Variants in BMX observed in about 807,000 individuals in gnomAD.
BMX encodes the protein cytoplasmic tyrosine-protein kinase BMX.
BMX carries 31 observed loss-of-function variants against 59.2 expected under a neutral mutation model. The observed-to-expected ratio is 0.52, with a 90% CI of 0.39 to 0.71. BMX has a LOEUF of 0.71. BMX is among the 30% of genes least tolerant of loss of function. The pLI, the probability that BMX is intolerant of heterozygous loss-of-function variation, is 0.00. For synonymous variants in BMX, 185 were observed against 181.0 expected, an observed-to-expected ratio of 1.02 and a Z score of -0.18; for missense variants, 474 against 491.7, an observed-to-expected ratio of 0.96 and a Z score of 0.34.
intron 18 of BMX, among the ~76,000 whole-genome samples, chrX:15,552,994 T>C (rs555411030): frequency 8.9e-6 from 1 of 112,320 alleles, no homozygotes; most frequent in African/African-American, 3.2e-5. Flanking sequence ...AGTTAAACAT[T>C]TCCGTATTCA....
intron 5 of BMX, among the ~76,000 whole-genome samples, chrX:15,517,581 G>A (rs1924220834): frequency 8.9e-6 from 1 of 112,530 alleles, no homozygotes; most frequent in African/African-American, 3.2e-5. Context: ...CAGCTCCTGA[G>A]CAGCTGTAAT....
intron 12 of BMX, among the ~76,000 whole-genome samples, chrX:15,534,833 C>T (rs1465916078): frequency 3.6e-5 from 4 of 111,223 alleles, no homozygotes; most frequent in Non-Finnish European, 7.5e-5. Context: ...TTTCTTTACT[C>T]AACATGTCTT....
intron 5 of BMX, 78 bp from the exon 6 acceptor site, chrX:15,517,851 C>T (rs1261714265): frequency 1.7e-5 from 15 of 894,747 alleles, no homozygotes; most frequent in Non-Finnish European, 2.1e-5. Flanking sequence ...CTGGTTCATT[C>T]TTTTAATTCA....
intron 9 of BMX, among the ~76,000 whole-genome samples, chrX:15,526,510 A>T (rs1404753918): frequency 1.8e-5 from 2 of 111,268 alleles, no homozygotes; most frequent in African/African-American, 6.5e-5. Context: ...GTAATTTTAC[A>T]GGGTAGCACA....
Position 15,509,342 on chromosome X carries a change from G to T in BMX, c.152G>T (p.Arg51Ile). 8.3e-7 allele frequency: 1 copy of T among 1,204,300 alleles called. No homozygotes were observed. The highest frequency in any genetic ancestry group is 1.1e-6 in the Non-Finnish European group (1 of 892,069). ...TTTTTAATTCAGAAAAGGGGCAGCA[G>T]AAAAGGATCCATTGAAATTAAGAAA... ...YEYDKMKRGS[R>I]KGSIEIKKIR... The change falls in exon 3 of 19, where the codon AGA becomes ATA. Residue 51 changes from arginine (R) to isoleucine (I), a missense_variant. By Grantham distance (97) the Arg-to-Ile change is moderately conservative (BLOSUM62 -3). Coordinates refer to ENST00000348343, the MANE Select transcript of BMX (RefSeq NM_203281.3).
chrX:15,544,291 T>C (rs1925843164), intron 16 of BMX, among the ~76,000 whole-genome samples: 2 of 110,640 alleles, frequency 1.8e-5, no homozygotes, highest in Admixed American at 1.9e-4. Context: ...GTAATTCCTC[T>C]GGGAGCCCTA....
intron 17 of BMX, among the ~76,000 whole-genome samples, chrX:15,548,372 G>A (rs1003600201): frequency 1.5e-4 from 17 of 110,977 alleles, no homozygotes; most frequent in Non-Finnish European, 1.9e-4. Context: ...CACGAGAATC[G>A]CTTAAACCTG....
At chrX:15,502,618 C>G (rs1256606193) in intron 1 of BMX, among the ~76,000 whole-genome samples, 1 of 111,858 alleles carries the variant, frequency 8.9e-6, no homozygotes, top group Admixed American at 9.5e-5. Flanking sequence ...AGATTTCTGT[C>G]CATATCATGC....
chrX:15,509,499 A>C, intron 3 of BMX, 66 bp downstream of exon 3: 2 of 696,856 alleles, frequency 2.9e-6, no homozygotes, highest in Non-Finnish European at 2.1e-6. Flanking sequence ...TCGTGAACTC[A>C]ATATATCTAG....
Position 15,525,880 on chromosome X carries a change from G to T in BMX, c.831-162G>T, listed in dbSNP as rs1924694426. ...ACTTTTGAGTGACTCTCTCTTTACT[G>T]TTGCTGTGTTGATACTTTGCCAGGT... On this transcript the variant is annotated intron_variant, in intron 8 of 18. Transcript: ENST00000348343. 2.7e-5 allele frequency among the ~76,000 whole-genome samples: 3 copies of T among 112,246 alleles called. 1 individual carries two copies. The South Asian group carries it at 1.1e-3, about 41-fold the overall frequency.
At chrX:15,547,015 C>A in intron 17 of BMX, 94 bp downstream of exon 17, 1 of 702,401 alleles carries the variant, frequency 1.4e-6, no homozygotes, top group Non-Finnish European at 2.2e-6. Context: ...TTTAAAAGGG[C>A]CCTTGAACAC....
At chrX:15,503,816 A>G (rs1482937219) in intron 1 of BMX, among the ~76,000 whole-genome samples, 10 of 112,039 alleles carry the variant, frequency 8.9e-5, no homozygotes, top group Non-Finnish European at 7.5e-5. Context: ...TGGGCAATTT[A>G]TTTATCTATT....
chrX:15,513,455 A>G (rs1368238981), intron 4 of BMX, among the ~76,000 whole-genome samples: 1 of 112,109 alleles, frequency 8.9e-6, no homozygotes. Context: ...TTTGCTGTCA[A>G]GTTGGCCAAC....
Position 15,549,970 on chromosome X carries a change from C to T in BMX, c.1926C>T (p.Tyr642=), listed in dbSNP as rs766920935. 1 of 1,208,629 alleles carries T rather than the reference C, an allele frequency of 8.3e-7. No individual in the cohort carries two copies. The highest frequency in any genetic ancestry group is 1.8e-5 in the South Asian group (1 of 56,239). Reference sequence around the variant, plus strand: ...CCCACCTGGCATCGGACACCATCTACCAGATCATGTACAGCTGCTGGCACG... The same window carrying T: ...CCCACCTGGCATCGGACACCATCTATCAGATCATGTACAGCTGCTGGCACG... The part of the protein sequence containing the change: ...YRPHLASDTI[Y]QIMYSCWHEL... The change falls in exon 18 of 19, where the codon TAC becomes TAT. Residue 642 remains tyrosine, a synonymous_variant. Coordinates refer to ENST00000348343, the MANE Select transcript of BMX (RefSeq NM_203281.3).
At chrX:15,548,951 C>A (rs1181447199) in intron 17 of BMX, among the ~76,000 whole-genome samples, 2 of 112,027 alleles carry the variant, frequency 1.8e-5, no homozygotes, top group Admixed American at 1.9e-4. Context: ...TCTCAGTGCT[C>A]TTTTAAGTGC....
intron 11 of BMX, 90 bp from the exon 12 acceptor site, chrX:15,534,122 T>G (rs1365718213): frequency 1.2e-5 from 11 of 892,021 alleles, no homozygotes; most frequent in Non-Finnish European, 1.6e-5. Context: ...TCTCCAAAAT[T>G]TGCAAATGCA....
chrX:15,549,993 A>G lies in BMX; in HGVS notation c.1949A>G (p.His650Arg), dbSNP rs768047252. 1.7e-6 allele frequency: 2 copies of G among 1,201,945 alleles called. No individual in the cohort carries two copies. Among genetic ancestry groups the G allele is most frequent in the Middle Eastern group, 4.6e-4 (2 of 4,317 alleles). ...TIYQIMYSCWHELPEKRPTFQ... is the reference protein window; with the variant it reads ...TIYQIMYSCWRELPEKRPTFQ... ...TACCAGATCATGTACAGCTGCTGGCACGAGGCAAGTGTATTCTCTGGGTGG... is the reference window on the plus strand; with the variant it reads ...TACCAGATCATGTACAGCTGCTGGCGCGAGGCAAGTGTATTCTCTGGGTGG... The change falls in exon 18 of 19, where the codon CAC (histidine) becomes CGC (arginine). Residue 650 changes from histidine (H) to arginine (R), a missense_variant. His to Arg is a conservative substitution (Grantham distance 29, BLOSUM62 0). Transcript: ENST00000348343.
chrX:15,525,405 T>C (rs762946631), intron 8 of BMX, 40 bp downstream of exon 8: 2 of 1,133,806 alleles, frequency 1.8e-6, no homozygotes, highest in East Asian at 3.0e-5. Flanking sequence ...CAGAATATGC[T>C]TCCATTTTCA....
intron 18 of BMX, 119 bp downstream of exon 18, chrX:15,550,116 T>C (rs1268259889): frequency 2.3e-6 from 2 of 878,825 alleles, no homozygotes; most frequent in Non-Finnish European, 3.1e-6. Flanking sequence ...CAGGAGAGAA[T>C]GGTCCTCAGC....
Sources: gnomAD v4.1 joint callset for allele counts (sites outside exome capture counted in the v4.1 genomes callset) on GRCh38, gnomAD v4.1.1 for gene constraint, MANE v1.5 for transcripts, NCBI Gene and HGNC (gene_info 2026-07-23, HGNC 2026-07-21) for gene names.